NOP58: variants seen among roughly 807,000 people sequenced by gnomAD.
The protein encoded by NOP58 is NOP58 ribonucleoprotein, also known as nucleolar protein 58.
A neutral mutation model predicts 71.2 loss-of-function variants in NOP58; 44 were observed. The observed-to-expected ratio is 0.62, with a 90% confidence interval of 0.49 to 0.79. The LOEUF is 0.79. Ranked by LOEUF, NOP58 falls within the 30% of genes least tolerant of loss-of-function variation. The pLI is 0.00. For missense variants in NOP58, 538 were observed against 620.2 expected (o/e 0.87, Z 1.41); for synonymous variants, 228 against 200.3 (o/e 1.14, Z -1.17).
intron 1 of NOP58, among the ~76,000 whole-genome samples, chr2:202,272,211 G>T (rs2105837297): frequency 6.8e-6 from 1 of 148,034 alleles, no homozygotes; most frequent in East Asian, 2.0e-4. Flanking sequence ...GAGTGCAGTG[G>T]CGCGATCTCA....
intron 3 of NOP58, chr2:202,278,466 A>G: frequency 2.9e-6 from 1 of 342,216 alleles, no homozygotes; most frequent in East Asian, 7.6e-5. Flanking sequence ...GTTCAAAAAA[A>G]CATATCAATA....
At chr2:202,282,886 A>C (rs1197391555) in intron 4 of NOP58, among the ~76,000 whole-genome samples, 1 of 152,170 alleles carries the variant, frequency 6.6e-6, no homozygotes, top group Non-Finnish European at 1.5e-5. Flanking sequence ...GGAAAGAAAG[A>C]CTAGGAAAAT....
At chr2:202,283,137 T>C (rs1445890984) in intron 4 of NOP58, among the ~76,000 whole-genome samples, 1 of 152,148 alleles carries the variant, frequency 6.6e-6, no homozygotes, top group Non-Finnish European at 1.5e-5. Flanking sequence ...CACAGCTCAC[T>C]GCAGACTTGA....
At position 202,265,778 on chromosome 2, in the gene NOP58, C is replaced by T. The variant is rs1688401524; in HGVS notation, c.-164C>T. ...TTCGTGCGTCCTAGTTCCAGTACAG[C>T]GTGGAGGGTTTAGGCAGCGTGTTCT... On this transcript the variant is annotated 5_prime_UTR_variant, in exon 1 of 15. Coordinates refer to ENST00000264279, the MANE Select transcript of NOP58 (RefSeq NM_015934.5). 1 of 688,128 alleles carries T rather than the reference C, an allele frequency of 1.5e-6. No homozygotes were observed. 42.6% of individuals were successfully genotyped at this position (688,128 alleles called of 1,614,324 possible). A position where few individuals can be genotyped will look rare whatever the true frequency, so the allele number is the denominator to read the frequency against.
At chr2:202,291,314 C>G in intron 8 of NOP58, 44 bp downstream of exon 8, 2 of 1,458,704 alleles carry the variant, frequency 1.4e-6, no homozygotes, top group Non-Finnish European at 1.8e-6. Flanking sequence ...GTTACCAGCT[C>G]TATAGTACTA....
In NOP58 at chr2:202,302,970, G is replaced by C. The variant is rs753744957; in HGVS notation, c.1452G>C (p.Val484=). Residue 484 remains valine, a synonymous_variant, in exon 14 of 15, where the codon GTG becomes GTC. Coordinates refer to ENST00000264279, the MANE Select transcript of NOP58 (RefSeq NM_015934.5). The part of the protein sequence containing the change: ...EKVAEEEETS[V]KKKKKRGKKK... ...TGGCAGAAGAAGAAGAAACATCTGT[G>C]AAGAAGAAGAAGAAAAGGGGTAAAA... The C allele has an allele frequency of 6.2e-7, 1 of 1,603,402 alleles. No individual in the cohort carries two copies. Among genetic ancestry groups the C allele is most frequent in the East Asian group, 2.2e-5 (1 of 44,748 alleles).
At chr2:202,293,982 A>G (rs560799080) in intron 9 of NOP58, among the ~76,000 whole-genome samples, 1 of 152,274 alleles carries the variant, frequency 6.6e-6, no homozygotes, top group Non-Finnish European at 1.5e-5. Flanking sequence ...AGGTATAGCT[A>G]AACTTGTAGC....
intron 9 of NOP58, among the ~76,000 whole-genome samples, chr2:202,294,497 T>C (rs182759383): frequency 1.3e-5 from 2 of 152,144 alleles, no homozygotes; most frequent in African/African-American, 4.8e-5. Flanking sequence ...CCCAGCTATT[T>C]ATGGAGATGT....
At chr2:202,267,821 T>C (rs1240111496) in intron 1 of NOP58, among the ~76,000 whole-genome samples, 1 of 152,260 alleles carries the variant, frequency 6.6e-6, no homozygotes, top group Non-Finnish European at 1.5e-5. Flanking sequence ...TACTGATTTC[T>C]ATTAATGAAA....
intron 9 of NOP58, among the ~76,000 whole-genome samples, chr2:202,295,108 G>A (rs990664967): frequency 4.6e-5 from 7 of 152,140 alleles, no homozygotes; most frequent in African/African-American, 1.7e-4. Flanking sequence ...GAGCTGAGTG[G>A]GATAGCAAGA....
At chr2:202,301,745 T>C (rs1216358418) in intron 13 of NOP58, among the ~76,000 whole-genome samples, 2 of 152,172 alleles carry the variant, frequency 1.3e-5, no homozygotes, top group Non-Finnish European at 2.9e-5. Context: ...TCTGCTCTAC[T>C]CTACCTGGAC....
chr2:202,268,653 C>T (rs977114245), intron 1 of NOP58, among the ~76,000 whole-genome samples: 2 of 150,366 alleles, frequency 1.3e-5, no homozygotes, highest in Non-Finnish European at 2.9e-5. Context: ...CTCTTGTTGC[C>T]CAGGCTGGAG....
intron 3 of NOP58, among the ~76,000 whole-genome samples, chr2:202,279,884 C>A (rs978526032): frequency 1.3e-5 from 2 of 152,128 alleles, no homozygotes; most frequent in Non-Finnish European, 2.9e-5. Flanking sequence ...AGTCTAAGCT[C>A]CATGAGGGCA....
rs368459839 is a variant in NOP58 at position 202,275,209 on chromosome 2, A to G, written c.122+20A>G. The G allele has an allele frequency of 2.9e-5, 38 of 1,296,136 alleles. No individual in the cohort carries two copies. The highest frequency in any genetic ancestry group is 1.8e-4 in the Middle Eastern group (1 of 5,428). 80.3% of individuals were successfully genotyped at this position (1,296,136 alleles called of 1,614,324 possible). A position where few individuals can be genotyped will look rare whatever the true frequency, so the allele number is the denominator to read the frequency against. ...CAAAATGTAAGTACTCTTGAAATCA[A>G]TAATTTAGCAGTTAACATTTAGGGC... On this transcript the variant is annotated intron_variant, in intron 2 of 14. Transcript: ENST00000264279.
At chr2:202,284,311 T>C in intron 4 of NOP58, 34 bp from the exon 5 acceptor site, 1 of 1,499,004 alleles carries the variant, frequency 6.7e-7, no homozygotes, top group Non-Finnish European at 9.0e-7. Flanking sequence ...GTCTTTTTTT[T>C]TTTAATTTAA....
At chr2:202,279,415 CCAT>C (rs1367895943) in intron 3 of NOP58, among the ~76,000 whole-genome samples, 1 of 152,298 alleles carries the variant, frequency 6.6e-6, no homozygotes, top group South Asian at 2.1e-4. Context: ...AGGCAGATAA[CCAT>C]CATCTCTATG....
chr2:202,293,394 A>T (rs1688937292), intron 9 of NOP58, among the ~76,000 whole-genome samples: 1 of 152,348 alleles, frequency 6.6e-6, no homozygotes, highest in East Asian at 1.9e-4. Flanking sequence ...CAACTGATTT[A>T]TAATAAAACT....
intron 1 of NOP58, among the ~76,000 whole-genome samples, chr2:202,267,965 C>T (rs1216719699): frequency 1.3e-5 from 2 of 151,954 alleles, no homozygotes; most frequent in East Asian, 3.9e-4. Flanking sequence ...TAGTTAAGCT[C>T]GAATATGTTG....
intron 1 of NOP58, among the ~76,000 whole-genome samples, chr2:202,268,537 A>G (rs1241556385): frequency 6.6e-6 from 1 of 150,670 alleles, no homozygotes; most frequent in Non-Finnish European, 1.5e-5. Context: ...CTCCGTCTCA[A>G]AAAAAAAAAT....
Sources: allele counts gnomAD v4.1 joint callset (sites outside exome capture counted in the v4.1 genomes callset), GRCh38; gene constraint gnomAD v4.1.1; transcripts MANE v1.5; gene names NCBI Gene and HGNC (gene_info 2026-07-23, HGNC 2026-07-21).